The following CFAP54 variants were observed in gnomAD, a reference collection of about 807,000 sequenced individuals.
CFAP54 encodes the protein cilia and flagella associated protein 54, also known as cilia- and flagella-associated protein 54.
CFAP54 carries 290 observed loss-of-function variants against 370.4 expected under a neutral mutation model. The ratio of observed to expected loss-of-function variants is 0.78; its 90% CI spans 0.71 to 0.86. CFAP54 has a LOEUF of 0.86. Ranked by LOEUF, CFAP54 falls within the 40% of genes least tolerant of loss-of-function variation. The probability of loss-of-function intolerance (pLI) is 0.00; values close to 1 mark genes in which losing one functional copy is unlikely to be tolerated. For synonymous variants in CFAP54, 1,206 were observed against 1,236.5 expected (o/e 0.98, Z 0.52); for missense variants, 3,399 against 3,528.7 (o/e 0.96, Z 0.93).
At chr12:96,594,216 C>G in intron 24 of CFAP54, 75 bp from the exon 25 acceptor site, 1 of 1,032,856 alleles carries the variant, frequency 9.7e-7, no homozygotes, top group Non-Finnish European at 1.3e-6. Context: ...ATCACATTTT[C>G]TACCCATTCT....
intron 66 of CFAP54, among the ~76,000 whole-genome samples, chr12:96,844,321 T>C (rs1214783946): frequency 1.3e-5 from 2 of 152,022 alleles, no homozygotes; most frequent in Non-Finnish European, 2.9e-5. Flanking sequence ...GAGACGGCCA[T>C]GTGATGACGG....
At chr12:96,542,751 T>A (rs1955590533) in intron 14 of CFAP54, among the ~76,000 whole-genome samples, 1 of 152,236 alleles carries the variant, frequency 6.6e-6, no homozygotes, top group African/African-American at 2.4e-5. Context: ...AAATGGGGAA[T>A]AATTCCGATG....
intron 66 of CFAP54, among the ~76,000 whole-genome samples, chr12:96,854,390 G>T (rs577299608): frequency 1.3e-5 from 2 of 152,274 alleles, no homozygotes; most frequent in African/African-American, 4.8e-5. Flanking sequence ...TACCTTGAGT[G>T]TAGGGAAACC....
intron 60 of CFAP54, among the ~76,000 whole-genome samples, chr12:96,771,213 G>C (rs956845386): frequency 1.3e-5 from 2 of 152,198 alleles, no homozygotes; most frequent in African/African-American, 4.8e-5. Flanking sequence ...AGTCTGGAAA[G>C]AGGGCCCTGC....
intron 32 of CFAP54, among the ~76,000 whole-genome samples, chr12:96,642,604 T>G (rs746051385): frequency 6.6e-6 from 1 of 152,228 alleles, no homozygotes; most frequent in Non-Finnish European, 1.5e-5. Context: ...TGTAACTCTT[T>G]TCCCTAATGG....
At chr12:96,543,549 C>A (rs1955601779) in intron 14 of CFAP54, among the ~76,000 whole-genome samples, 1 of 152,196 alleles carries the variant, frequency 6.6e-6, no homozygotes, top group Non-Finnish European at 1.5e-5. Flanking sequence ...CAATGAAGAA[C>A]TTAACCTCAC....
intron 66 of CFAP54, among the ~76,000 whole-genome samples, chr12:96,836,135 A>G (rs1481262051): frequency 2.0e-5 from 3 of 152,156 alleles, no homozygotes; most frequent in East Asian, 1.9e-4. Context: ...GTAAGTTTGT[A>G]ACAAAAGGGC....
At chr12:96,674,165 G>A (rs1957177528) in intron 39 of CFAP54, among the ~76,000 whole-genome samples, 1 of 152,132 alleles carries the variant, frequency 6.6e-6, no homozygotes, top group Non-Finnish European at 1.5e-5. Context: ...TTTGGCAGGT[G>A]TGTTTGATTA....
intron 14 of CFAP54, among the ~76,000 whole-genome samples, chr12:96,542,595 C>T (rs780565556): frequency 6.6e-6 from 1 of 152,182 alleles, no homozygotes; most frequent in Non-Finnish European, 1.5e-5. Flanking sequence ...TGCAACGTTT[C>T]CCCCTCTCCG....
intron 60 of CFAP54, among the ~76,000 whole-genome samples, chr12:96,776,495 A>G (rs750039104): frequency 1.2e-4 from 19 of 152,352 alleles, no homozygotes; most frequent in East Asian, 1.2e-3. Context: ...AGATAGTTGA[A>G]TTCTCACACC....
chr12:96,644,472 T>C lies in CFAP54; in HGVS notation c.4547+64T>C. On this transcript the variant is annotated intron_variant, in intron 33 of 67. Transcript: ENST00000524981. ...CATGAACATGGATTGTATTTGTATG[T>C]TCAGAGCTCCAATGGTGCTAACAAC... 3.4e-6 allele frequency: 4 copies of C among 1,167,590 alleles called. No individual in the cohort carries two copies. In the South Asian group the frequency reaches 5.6e-5, roughly 16 times the overall value. 72.3% of individuals were successfully genotyped at this position (1,167,590 alleles called of 1,614,324 possible). A position where few individuals can be genotyped will look rare whatever the true frequency, so the allele number is the denominator to read the frequency against.
intron 50 of CFAP54, among the ~76,000 whole-genome samples, chr12:96,727,639 G>A (rs1180161462): frequency 6.6e-6 from 1 of 151,926 alleles, no homozygotes; most frequent in Non-Finnish European, 1.5e-5. Flanking sequence ...CAATTTGCCA[G>A]TCTGTGTCTT....
At chr12:96,807,792 C>T (rs141309486) in intron 63 of CFAP54, among the ~76,000 whole-genome samples, 1 of 152,128 alleles carries the variant, frequency 6.6e-6, no homozygotes, top group African/African-American at 2.4e-5. Context: ...GAATGAAGCA[C>T]CAAAGAAGGG....
intron 66 of CFAP54, among the ~76,000 whole-genome samples, chr12:96,857,111 A>C (rs1592814686): frequency 6.6e-6 from 1 of 152,188 alleles, no homozygotes; most frequent in Admixed American, 6.5e-5. Flanking sequence ...AGAACTCACT[A>C]TCACAAGAAC....
intron 67 of CFAP54, among the ~76,000 whole-genome samples, chr12:96,863,460 A>G (rs138397427): frequency 6.6e-6 from 1 of 152,336 alleles, no homozygotes; most frequent in East Asian, 1.9e-4. Flanking sequence ...AACTTGGCTA[A>G]CAATCACAGT....
intron 19 of CFAP54, among the ~76,000 whole-genome samples, chr12:96,567,003 A>G (rs1422849713): frequency 6.6e-6 from 1 of 152,220 alleles, no homozygotes; most frequent in Non-Finnish European, 1.5e-5. Context: ...AGGGAAAATT[A>G]ACAGGGGAGT....
intron 66 of CFAP54, among the ~76,000 whole-genome samples, chr12:96,854,095 G>T (rs1044500638): frequency 1.3e-5 from 2 of 151,716 alleles, no homozygotes; most frequent in Non-Finnish European, 2.9e-5. Context: ...ATATATTAAT[G>T]CTAATTATTA....
Position 96,644,177 on chromosome 12 carries a change from G to T in CFAP54, c.4317-1G>T. The T allele has an allele frequency of 6.6e-7, 1 of 1,523,504 alleles. No individual in the cohort carries two copies. Among genetic ancestry groups the T allele is most frequent in the Non-Finnish European group, 8.8e-7 (1 of 1,138,608 alleles). The allele number at this position is 1,523,504 out of a possible 1,614,324, so 94.4% of individuals were successfully genotyped here. On this transcript the variant is annotated splice_acceptor_variant, in intron 32 of 67. Transcript: ENST00000524981. LOFTEE classifies it high-confidence loss of function. ...TTCAAAACTTCTTTCTCCCTTGGCA[G>T]AAATAGGAGAACCAGTGTTAGGAAA... is the stretch of plus-strand genomic sequence containing the variant.
intron 48 of CFAP54, among the ~76,000 whole-genome samples, chr12:96,711,189 A>G (rs1417625415): frequency 6.6e-6 from 1 of 152,164 alleles, no homozygotes; most frequent in Non-Finnish European, 1.5e-5. Flanking sequence ...ATTTATTGGC[A>G]TACAATTTTT....
Sources: gnomAD v4.1 joint callset for allele counts (sites outside exome capture counted in the v4.1 genomes callset) on GRCh38, gnomAD v4.1.1 for gene constraint, MANE v1.5 for transcripts, NCBI Gene and HGNC (gene_info 2026-07-23, HGNC 2026-07-21) for gene names.